The following HK3 variants were observed in gnomAD, a reference collection of about 807,000 sequenced individuals.
The protein encoded by HK3 is hexokinase-3.
HK3 carries 93 observed loss-of-function variants against 91.0 expected under a neutral mutation model. That is an observed-to-expected ratio of 1.02 (90% confidence interval 0.86 to 1.21). HK3 has a LOEUF of 1.21. Among genes scored for constraint, HK3 ranks in the 50% most tolerant of loss-of-function variants. The pLI is 0.00. For synonymous variants in HK3, 519 were observed against 516.9 expected (o/e 1.00, Z -0.06); for missense variants, 1,235 against 1,247.4 (o/e 0.99, Z 0.15).
rs1758535055 is a variant in HK3, at chr5:176,884,615, C to T, written c.1858-481G>A. ...GAGCCGTGTCAATGGGCGAGTCACT[C>T]ATGTGTTCCAAATGCAGGGGCAGGA... is the stretch of plus-strand genomic sequence containing the variant. On this transcript the variant is annotated intron_variant, in intron 13 of 18. Transcript: ENST00000292432. This position sits in a 1 kb window ranked among gnomAD's most constrained non-coding sequence, Gnocchi z 4.1. Among the ~76,000 whole-genome samples, 1 of 152,204 alleles carries T rather than the reference C, an allele frequency of 6.6e-6. No individual in the cohort carries two copies. The highest frequency in any genetic ancestry group is 6.5e-5 in the Admixed American group (1 of 15,286).
At chr5:176,882,230 T>A in intron 15 of HK3, 103 bp from the exon 16 acceptor site, 2 of 1,187,822 alleles carry the variant, frequency 1.7e-6, no homozygotes, top group Non-Finnish European at 2.4e-6. Flanking sequence ...TCACTCTCTC[T>A]ACCTCTCATG....
intron 2 of HK3, among the ~76,000 whole-genome samples, chr5:176,895,214 G>A (rs1249556268): frequency 6.6e-6 from 1 of 152,016 alleles, no homozygotes; most frequent in Non-Finnish European, 1.5e-5. Context: ...AAGTAGCTGG[G>A]ATTACAGGCA....
intron 13 of HK3, among the ~76,000 whole-genome samples, chr5:176,886,011 C>T (rs575766319): frequency 6.6e-6 from 1 of 152,002 alleles, no homozygotes; most frequent in South Asian, 2.1e-4. Flanking sequence ...CTGAGGTGAG[C>T]GGATCACCTG....
chr5:176,888,288 C>T (rs752119739), intron 10 of HK3, 44 bp downstream of exon 10: 4 of 1,486,006 alleles, frequency 2.7e-6, no homozygotes, highest in Non-Finnish European at 2.8e-6. Flanking sequence ...ATCACACACA[C>T]GTGTTCATGC....
chr5:176,883,093 C>T (rs1758487759), intron 15 of HK3, among the ~76,000 whole-genome samples: 1 of 152,230 alleles, frequency 6.6e-6, no homozygotes, highest in Admixed American at 6.5e-5. Context: ...CTCGCTGCTG[C>T]CCACGTGTAG....
chr5:176,887,145 G>T lies in HK3; in HGVS notation c.1738-24C>A. ...AGCTGTGGGGCAGGACAGGTCAGGC[G>T]TAGGCACTGCTCAGCCCTTCCCCAC... is the stretch of plus-strand genomic sequence containing the variant. On this transcript the variant is annotated intron_variant, in intron 12 of 18. Coordinates refer to ENST00000292432, the MANE Select transcript of HK3 (RefSeq NM_002115.3). This position sits in a 1 kb window ranked among gnomAD's most constrained non-coding sequence, Gnocchi z 4.9. 6.2e-7 allele frequency: 1 copy of T among 1,614,180 alleles called. No homozygotes were observed. The highest frequency in any genetic ancestry group is 8.5e-7 in the Non-Finnish European group (1 of 1,180,038).
intron 1 of HK3, among the ~76,000 whole-genome samples, chr5:176,898,551 C>T (rs1021161721): frequency 7.2e-5 from 11 of 152,220 alleles, no homozygotes; most frequent in African/African-American, 2.4e-4. Context: ...CATTCATTCC[C>T]TCATCCATTC....
chr5:176,883,744 G>T (rs1186778873), intron 15 of HK3, 26 bp downstream of exon 15: 1 of 1,563,264 alleles, frequency 6.4e-7, no homozygotes. Flanking sequence ...AGCAGTAGGG[G>T]CATGAAAGGG....
Position 176,881,068 on chromosome 5 carries a change from T to G in HK3, c.*5A>C. ...GGCGGAGACCTCCTCAGCCTGGAGG[T>G]TTCCTCAGACACGAGTCAACTGCGC... On this transcript the variant is annotated 3_prime_UTR_variant, in exon 19 of 19. Coordinates refer to ENST00000292432, the MANE Select transcript of HK3 (RefSeq NM_002115.3). 1 of 1,589,124 alleles carries G rather than the reference T, an allele frequency of 6.3e-7. No homozygotes were observed. Among genetic ancestry groups the G allele is most frequent in the Admixed American group, 1.8e-5 (1 of 55,312 alleles).
chr5:176,890,752 T>C, intron 5 of HK3, 22 bp from the exon 6 acceptor site: 3 of 1,614,136 alleles, frequency 1.9e-6, no homozygotes, highest in Non-Finnish European at 2.5e-6. Flanking sequence ...GAAGCTGGGT[T>C]ACTCCTCTGA....
rs769619416 is a variant in HK3, at chr5:176,881,309, G to A, written c.2620C>T (p.His874Tyr). ...VGVDGTLYKLHPRFSSLVAAT... is the reference protein window; with the variant it reads ...VGVDGTLYKLYPRFSSLVAAT... ...CCGCACACCCAGACTCACCGCGGGTGCAGCTTGTAGAGCGTTCCATCCACC... is the reference window on the plus strand; with the variant it reads ...CCGCACACCCAGACTCACCGCGGGTACAGCTTGTAGAGCGTTCCATCCACC... The change falls in exon 18 of 19, where the codon CAC (histidine) becomes TAC (tyrosine). Residue 874 changes from histidine (H) to tyrosine (Y), a missense_variant. Physicochemically the swap from His to Tyr is moderately conservative, Grantham distance 83 (BLOSUM62 2). Around this residue, in one of 3 missense-constraint regions of HK3, gnomAD observed 513 missense variants for 477.4 expected, o/e 1.07. Coordinates refer to ENST00000292432, the MANE Select transcript of HK3 (RefSeq NM_002115.3). 2.5e-6 allele frequency: 4 copies of A among 1,613,594 alleles called. No individual in the cohort carries two copies. The African/African-American group carries it at 4.0e-5, about 16-fold the overall frequency.
chr5:176,890,600 T>C (rs760122495), intron 6 of HK3, 35 bp downstream of exon 6: 2 of 1,589,206 alleles, frequency 1.3e-6, no homozygotes, highest in South Asian at 1.1e-5. Context: ...CAGGCCAACA[T>C]GGGCAGCCCT....
chr5:176,894,893 C>T (rs1177009376), intron 2 of HK3, among the ~76,000 whole-genome samples: 2 of 150,766 alleles, frequency 1.3e-5, no homozygotes, highest in Admixed American at 1.3e-4. Context: ...TCTCCTGCCT[C>T]GGCCTCCCGA....
At chr5:176,885,251 CAA>C (rs1338325413) in intron 13 of HK3, among the ~76,000 whole-genome samples, 2 of 152,168 alleles carry the variant, frequency 1.3e-5, no homozygotes, top group Admixed American at 6.5e-5. Flanking sequence ...TGTCGAGACT[CAA>C]GAGAGGAAGT....
At chr5:176,895,357 G>A (rs558535672) in intron 2 of HK3, among the ~76,000 whole-genome samples, 3 of 151,344 alleles carry the variant, frequency 2.0e-5, no homozygotes, top group African/African-American at 7.3e-5. Flanking sequence ...GATTACAGGC[G>A]TGAGCCACCG....
chr5:176,890,750 G>T lies in HK3; in HGVS notation c.535-20C>A, dbSNP rs775060124. 6.2e-7 allele frequency: 1 copy of T among 1,614,106 alleles called. No homozygotes were observed. The highest frequency in any genetic ancestry group is 1.7e-5 in the Admixed American group (1 of 60,034). On this transcript the variant is annotated intron_variant, in intron 5 of 18. Coordinates refer to ENST00000292432, the MANE Select transcript of HK3 (RefSeq NM_002115.3). Reference sequence around the variant, plus strand: ...GGTGCTCTGGAGGTAGAGAAGCTGGGTTACTCCTCTGACGGCCTTCATGGG... The same window carrying T: ...GGTGCTCTGGAGGTAGAGAAGCTGGTTTACTCCTCTGACGGCCTTCATGGG...
chr5:176,893,129 C>T (rs1385716546), intron 2 of HK3, among the ~76,000 whole-genome samples: 1 of 152,142 alleles, frequency 6.6e-6, no homozygotes, highest in Non-Finnish European at 1.5e-5. Context: ...CCTCTGAGCC[C>T]CAGCTGCCCA....
chr5:176,888,457 C>T lies in HK3; in HGVS notation c.1179G>A (p.Thr393=), dbSNP rs941230974. The change falls in exon 10 of 19, where the codon ACG becomes ACA. Residue 393 remains threonine, a synonymous_variant. Coordinates refer to ENST00000292432, the MANE Select transcript of HK3 (RefSeq NM_002115.3). The part of the protein sequence containing the change: ...LVQHVCAAVC[T]RAAQLCAAAL... The stretch of plus-strand genomic sequence containing the variant: ...CGGCAGCACAGAGCTGGGCAGCCCG[C>T]GTGCACACGGCCGCACAGACGTGCT... The T allele has an allele frequency of 5.1e-6, 8 of 1,555,174 alleles. No individual in the cohort carries two copies. Among genetic ancestry groups the T allele is most frequent in the African/African-American group, 2.7e-5 (2 of 73,294 alleles).
chr5:176,891,154 T>G lies in HK3; in HGVS notation c.297A>C (p.Thr99=). Residue 99 remains threonine (T), a synonymous_variant, in exon 4 of 19, where the codon ACA becomes ACC. Transcript: ENST00000292432. The stretch of plus-strand genomic sequence containing the variant: ...CCCACAAAACACGCAGTGAGGCCCC[T>G]GTGGCCCCCAGCTCCAGCACCACGA... ...GDFVVLELGA[T]GASLRVLWVT... 1 of 1,614,120 alleles carries G rather than the reference T, an allele frequency of 6.2e-7. No homozygotes were observed. Among genetic ancestry groups the G allele is most frequent in the Non-Finnish European group, 8.5e-7 (1 of 1,180,032 alleles).
Sources: allele counts gnomAD v4.1 joint callset (sites outside exome capture counted in the v4.1 genomes callset), GRCh38; gene constraint gnomAD v4.1.1; regional missense constraint gnomAD v4.1.1; non-coding constraint Gnocchi (gnomAD v3.1); transcripts MANE v1.5; gene names NCBI Gene and HGNC (gene_info 2026-07-23, HGNC 2026-07-21).